Variants in AAK1 observed in about 807,000 individuals in gnomAD.
AAK1 encodes AP2-associated protein kinase 1.
A neutral mutation model predicts 116.0 loss-of-function variants in AAK1; 37 were observed. The observed-to-expected ratio is 0.32, with a 90% CI of 0.25 to 0.42. The LOEUF is 0.42. Among genes scored for constraint, AAK1 ranks in the 10% least tolerant of loss-of-function variants. AAK1 has a pLI of 1.00. For synonymous variants in AAK1, 458 were observed against 439.9 expected (o/e 1.04, Z -0.51); for missense variants, 919 against 1,170.6 (o/e 0.79, Z 3.14).
At chr2:69,577,866 T>A (rs1672377909) in intron 2 of AAK1, among the ~76,000 whole-genome samples, 3 of 152,206 alleles carry the variant, frequency 2.0e-5, no homozygotes, top group Admixed American at 2.0e-4. Flanking sequence ...GCAGGGATGG[T>A]GGAGATGGTG....
rs1347140726 is a variant in AAK1, at chr2:69,507,496, G to T, written c.2089C>A (p.Pro697Thr). 1 of 1,612,802 alleles carries T rather than the reference G, an allele frequency of 6.2e-7. No homozygotes were observed. The highest frequency in any genetic ancestry group is 8.5e-7 in the Non-Finnish European group (1 of 1,179,416). The change falls in exon 15 of 22, where the codon CCC (proline) becomes ACC (threonine). Residue 697 changes from proline to threonine, a missense_variant. Transcript: ENST00000409085. ...TTGGAGAAATTATCGTCATCAAAGG[G>T]ATTCCACGTAGACCCTTCTGAAGGA... Reference protein sequence around the residue: ...YNPSEGSTWNPFDDDNFSKLT... With the variant: ...YNPSEGSTWNTFDDDNFSKLT...
At position 69,475,508 on chromosome 2, in the gene AAK1, A is replaced by C; in HGVS notation, c.*361T>G. The stretch of plus-strand genomic sequence containing the variant: ...TTGATCTGGGAGGCCATTCCTAGCA[A>C]GAACGAGACAAAAGTGTCAATTCAC... On this transcript the variant is annotated 3_prime_UTR_variant, in exon 22 of 22. Transcript: ENST00000409085. 1 of 1,033,628 alleles carries C rather than the reference A, an allele frequency of 9.7e-7. No homozygotes were observed. Among genetic ancestry groups the C allele is most frequent in the Non-Finnish European group, 1.2e-6 (1 of 859,362 alleles). 64.0% of individuals were successfully genotyped at this position (1,033,628 alleles called of 1,614,324 possible). A position where few individuals can be genotyped will look rare whatever the true frequency, so the allele number is the denominator to read the frequency against.
At chr2:69,516,616 A>T (rs942743041) in intron 12 of AAK1, 3 of 152,218 alleles carry the variant, frequency 2.0e-5, no homozygotes, top group African/African-American at 7.2e-5. Flanking sequence ...GCATGATCCT[A>T]GATAGCAAGG....
chr2:69,478,961 T>C lies in AAK1; in HGVS notation c.2670A>G (p.Pro890=). ...GAAGAAAGCATTTACCTTTATGGAC[T>C]GGAGCAGAGATTGCTGTGGGGGCAA... ...EEFAPTAISA[P]VHKAAEDSNL... Residue 890 remains proline, a synonymous_variant, in exon 20 of 22, where the codon CCA becomes CCG. Coordinates refer to ENST00000409085, the MANE Select transcript of AAK1 (RefSeq NM_014911.5). The C allele has an allele frequency of 6.2e-7, 1 of 1,611,426 alleles. No homozygotes were observed. The highest frequency in any genetic ancestry group is 2.2e-5 in the East Asian group (1 of 44,872).
chr2:69,478,277 CAGG>C (rs1674925286), intron 20 of AAK1, among the ~76,000 whole-genome samples: 3 of 152,332 alleles, frequency 2.0e-5, no homozygotes, highest in African/African-American at 7.2e-5. Context: ...TCATTATAGG[CAGG>C]CAGTAGATAG....
chr2:69,555,726 C>G (rs1231104350), intron 3 of AAK1, among the ~76,000 whole-genome samples: 1 of 152,128 alleles, frequency 6.6e-6, no homozygotes, highest in Non-Finnish European at 1.5e-5. Flanking sequence ...GATAGCAGAA[C>G]TGCTTACAAT....
At chr2:69,499,454 C>T (rs1344684875) in intron 16 of AAK1, among the ~76,000 whole-genome samples, 2 of 152,146 alleles carry the variant, frequency 1.3e-5, no homozygotes, top group African/African-American at 2.4e-5. Flanking sequence ...TATAGTTCTT[C>T]GCAACTTGAT....
chr2:69,525,088 G>C lies in AAK1; in HGVS notation c.1000C>G (p.Pro334Ala), dbSNP rs762137859. 2 of 1,613,974 alleles carry C rather than the reference G, an allele frequency of 1.2e-6. No individual in the cohort carries two copies. The highest frequency in any genetic ancestry group is 1.7e-6 in the Non-Finnish European group (2 of 1,179,866). Residue 334 changes from proline (P) to alanine (A), a missense_variant, in exon 10 of 22, where the codon CCT becomes GCT. Physicochemically the swap from Pro to Ala is conservative, Grantham distance 27 (BLOSUM62 -1). This residue lies in a region of AAK1 where 317 missense variants were observed against 490.4 expected (regional missense o/e 0.65). Coordinates refer to ENST00000409085, the MANE Select transcript of AAK1 (RefSeq NM_014911.5). ...VQNSPIPAKLPEPVKASEAAA... is the reference protein window; with the variant it reads ...VQNSPIPAKLAEPVKASEAAA... ...GCCTCACTGGCTTTCACTGGTTCAG[G>C]AAGCTTTGCAGGAATGGGAGAGTTC... is the stretch of plus-strand genomic sequence containing the variant.
intron 19 of AAK1, 68 bp downstream of exon 19, chr2:69,480,792 G>T: frequency 1.5e-6 from 2 of 1,353,868 alleles, no homozygotes; most frequent in Non-Finnish European, 2.0e-6. Flanking sequence ...ACTGAGCCAG[G>T]TGAAAAGACT....
chr2:69,484,877 A>T (rs556442730), intron 17 of AAK1, among the ~76,000 whole-genome samples: 333 of 151,890 alleles, frequency 2.2e-3, no homozygotes, highest in African/African-American at 3.9e-3. Flanking sequence ...TCAAAAAAAA[A>T]AATAATAATA....
At chr2:69,587,429 A>G (rs1461963008) in intron 2 of AAK1, among the ~76,000 whole-genome samples, 3 of 150,906 alleles carry the variant, frequency 2.0e-5, no homozygotes, top group Non-Finnish European at 2.9e-5. Context: ...ATACACATAT[A>G]TATACATATG....
intron 2 of AAK1, among the ~76,000 whole-genome samples, chr2:69,587,600 G>A (rs1392135489): frequency 5.3e-5 from 8 of 151,854 alleles, no homozygotes; most frequent in African/African-American, 1.9e-4. Context: ...CAAGTAGCTG[G>A]TATTACAGGG....
chr2:69,506,531 T>G (rs1676190627), intron 15 of AAK1, among the ~76,000 whole-genome samples: 1 of 152,050 alleles, frequency 6.6e-6, no homozygotes, highest in African/African-American at 2.4e-5. Flanking sequence ...GCCCAGCTAA[T>G]TTTTAAAATT....
intron 18 of AAK1, 169 bp downstream of exon 18, chr2:69,482,542 C>T (rs906339781): frequency 5.5e-6 from 4 of 725,944 alleles, no homozygotes; most frequent in South Asian, 3.0e-5. Flanking sequence ...GTTGTACCCC[C>T]GAAAAGCAAG....
intron 2 of AAK1, among the ~76,000 whole-genome samples, chr2:69,566,523 C>CGGTGGTGGTTGT (rs920361503): frequency 2.0e-5 from 3 of 152,066 alleles, no homozygotes; most frequent in African/African-American, 7.2e-5. Context: ...GACTGGCAAA[C>CGGTGGTGGTTGT]GGTGGTGGTT....
intron 20 of AAK1, chr2:69,478,691 T>A (rs1227151247): frequency 2.8e-6 from 1 of 352,264 alleles, no homozygotes; most frequent in Non-Finnish European, 5.3e-6. Context: ...TAGGCTCAAG[T>A]GATCCTCCCA....
chr2:69,585,251 G>A (rs1358372932), intron 2 of AAK1, among the ~76,000 whole-genome samples: 2 of 152,070 alleles, frequency 1.3e-5, no homozygotes, highest in African/African-American at 4.8e-5. Context: ...TTGTAGAGAT[G>A]GGGTCTCACT....
At chr2:69,509,089 C>A in intron 14 of AAK1, 142 bp downstream of exon 14, 3 of 696,606 alleles carry the variant, frequency 4.3e-6, no homozygotes, top group Non-Finnish European at 4.7e-6. Flanking sequence ...ATAAACAAAC[C>A]AGAAAAATAA....
At chr2:69,636,151 AAATT>A (rs1430322709) in intron 2 of AAK1, among the ~76,000 whole-genome samples, 12 of 152,156 alleles carry the variant, frequency 7.9e-5, no homozygotes, top group East Asian at 1.9e-4. Flanking sequence ...ACATTATTTT[AAATT>A]AATTAATCAT....
Sources: allele counts gnomAD v4.1 joint callset (sites outside exome capture counted in the v4.1 genomes callset), GRCh38; gene constraint gnomAD v4.1.1; regional missense constraint gnomAD v4.1.1; transcripts MANE v1.5; gene names NCBI Gene and HGNC (gene_info 2026-07-23, HGNC 2026-07-21).